Variants in CACNB4 observed in about 807,000 individuals in gnomAD.
CACNB4 encodes voltage-dependent L-type calcium channel subunit beta-4.
CACNB4 carries 32 observed loss-of-function variants against 71.2 expected under a neutral mutation model. That is an observed-to-expected ratio of 0.45 (90% CI 0.34 to 0.60). CACNB4 has a LOEUF of 0.60. CACNB4 is among the 20% of genes least tolerant of loss of function. CACNB4 has a pLI of 0.01. For synonymous variants in CACNB4, 231 were observed against 236.9 expected (o/e 0.97, Z 0.23); for missense variants, 464 against 647.9 (o/e 0.72, Z 3.08).
intron 2 of CACNB4, chr2:151,936,246 T>C (rs1310581831): frequency 6.6e-6 from 1 of 152,236 alleles, no homozygotes; most frequent in East Asian, 1.9e-4. Context: ...AGCTCGCAGA[T>C]AGTAATCCTT....
chr2:151,963,165 A>T (rs1040011009), intron 2 of CACNB4, among the ~76,000 whole-genome samples: 14 of 152,002 alleles, frequency 9.2e-5, no homozygotes, highest in African/African-American at 3.1e-4. Flanking sequence ...ACAAAAAATT[A>T]GCCAGGCGTG....
At chr2:152,021,879 A>G (rs1021174325) in intron 2 of CACNB4, among the ~76,000 whole-genome samples, 5 of 152,220 alleles carry the variant, frequency 3.3e-5, no homozygotes, top group African/African-American at 1.2e-4. Flanking sequence ...CTTGCTGAAC[A>G]TTGGCTTTTT....
chr2:151,921,664 C>T (rs1169221801), intron 2 of CACNB4, among the ~76,000 whole-genome samples: 3 of 152,150 alleles, frequency 2.0e-5, no homozygotes, highest in Admixed American at 2.0e-4. Flanking sequence ...TGGTTTGGCT[C>T]TGTTTCCCTA....
At chr2:151,996,563 C>T (rs921149067) in intron 2 of CACNB4, among the ~76,000 whole-genome samples, 4 of 151,796 alleles carry the variant, frequency 2.6e-5, no homozygotes, top group African/African-American at 9.7e-5. Flanking sequence ...AGTGACCTTA[C>T]ATAATCCTTC....
chr2:151,966,584 G>A (rs1285111201), intron 2 of CACNB4, among the ~76,000 whole-genome samples: 2 of 151,938 alleles, frequency 1.3e-5, no homozygotes, highest in African/African-American at 4.8e-5. Flanking sequence ...CAGCCTCCCA[G>A]CATTATTTCA....
In CACNB4 at chr2:151,876,054, A is replaced by G. The variant is rs1345952175; in HGVS notation, c.521+372T>C. Among the ~76,000 whole-genome samples the G allele has an allele frequency of 4.6e-5, 7 of 152,088 alleles. No homozygotes were observed. The East Asian group carries it at 1.2e-3, about 25-fold the overall frequency. On this transcript the variant is annotated intron_variant, in intron 5 of 13. Transcript: ENST00000539935. The stretch of plus-strand genomic sequence containing the variant: ...ACTTCCCAGTAGGGGCGATACCATC[A>G]CATTTTGTGCCCACTTAAGGGAGAG...
At chr2:152,051,292 A>G (rs1213962664) in intron 2 of CACNB4, among the ~76,000 whole-genome samples, 1 of 152,150 alleles carries the variant, frequency 6.6e-6, no homozygotes, top group African/African-American at 2.4e-5. Context: ...TTCACATACC[A>G]TTCAATTCAC....
intron 2 of CACNB4, among the ~76,000 whole-genome samples, chr2:152,020,942 G>A (rs1055944849): frequency 6.6e-6 from 1 of 152,158 alleles, no homozygotes; most frequent in African/African-American, 2.4e-5. Context: ...GAAACTACTA[G>A]CACAGAGACT....
intron 2 of CACNB4, among the ~76,000 whole-genome samples, chr2:151,893,096 A>G (rs2099851141): frequency 6.6e-6 from 1 of 152,224 alleles, no homozygotes. Context: ...GATCAATGAA[A>G]TTACAAGGAG....
chr2:152,000,122 T>A (rs1263093285), intron 2 of CACNB4, among the ~76,000 whole-genome samples: 3 of 152,224 alleles, frequency 2.0e-5, no homozygotes, highest in Non-Finnish European at 2.9e-5. Flanking sequence ...ACAATGATGC[T>A]CATTTGCATC....
At chr2:151,863,879 C>G (rs2099842401) in intron 9 of CACNB4, among the ~76,000 whole-genome samples, 1 of 152,074 alleles carries the variant, frequency 6.6e-6, no homozygotes, top group Admixed American at 6.6e-5. Flanking sequence ...AAACAGAGCT[C>G]AGAAGAAGAC....
At chr2:152,044,252 GCT>G (rs1341645398) in intron 2 of CACNB4, among the ~76,000 whole-genome samples, 1 of 151,860 alleles carries the variant, frequency 6.6e-6, no homozygotes, top group Non-Finnish European at 1.5e-5. Context: ...ACGGAGTCTT[GCT>G]CTGTCGCCCA....
chr2:151,935,743 G>A (rs773162159), intron 2 of CACNB4, among the ~76,000 whole-genome samples: 1 of 152,176 alleles, frequency 6.6e-6, no homozygotes, highest in South Asian at 2.1e-4. Flanking sequence ...ATATAAACAT[G>A]AGACTTCTGA....
At chr2:152,092,169 G>GA (rs1460465165) in intron 2 of CACNB4, among the ~76,000 whole-genome samples, 12 of 152,104 alleles carry the variant, frequency 7.9e-5, no homozygotes, top group Admixed American at 7.9e-4. Context: ...TTATTCATCT[G>GA]AAAAAAGAGA....
At chr2:151,855,709 A>G (rs1461447748) in intron 10 of CACNB4, among the ~76,000 whole-genome samples, 2 of 152,228 alleles carry the variant, frequency 1.3e-5, no homozygotes, top group Non-Finnish European at 2.9e-5. Flanking sequence ...TAGCCATAGA[A>G]GCTAAAAGCA....
At chr2:152,091,278 A>G (rs528412885) in intron 2 of CACNB4, among the ~76,000 whole-genome samples, 1 of 152,312 alleles carries the variant, frequency 6.6e-6, no homozygotes, top group East Asian at 1.9e-4. Flanking sequence ...AAAAACTCAC[A>G]AAGGAAATAA....
At chr2:151,854,917 T>C in intron 11 of CACNB4, 1 of 212,540 alleles carries the variant, frequency 4.7e-6, no homozygotes. Context: ...AATTTACCAA[T>C]ATAGAATTCA....
At chr2:151,968,233 A>T (rs1053945828) in intron 2 of CACNB4, 1 of 112,562 alleles carries the variant, frequency 8.9e-6, no homozygotes, top group Non-Finnish European at 2.4e-5. Flanking sequence ...GATCCACCCA[A>T]TGAATGTATT....
chr2:152,059,197 C>T (rs62175108), intron 2 of CACNB4, among the ~76,000 whole-genome samples: 3,467 of 152,316 alleles, frequency 0.023, 43 homozygotes, highest in Middle Eastern at 0.031. Context: ...CACAGAGTCC[C>T]CCACTGGGGC....
Sources: allele counts gnomAD v4.1 joint callset (sites outside exome capture counted in the v4.1 genomes callset), GRCh38; gene constraint gnomAD v4.1.1; transcripts MANE v1.5; gene names NCBI Gene and HGNC (gene_info 2026-07-23, HGNC 2026-07-21).